Variants in C22orf31 observed in about 807,000 individuals in gnomAD.
C22orf31 encodes the protein uncharacterized protein C22orf31.
Under a neutral mutation model 15.0 loss-of-function variants are expected in C22orf31, and 11 were observed. That is an observed-to-expected ratio of 0.73 (90% confidence interval 0.46 to 1.21). The LOEUF is 1.21. Ranked by LOEUF, C22orf31 falls within the 50% of genes most tolerant of loss-of-function variation. The pLI is 0.00. For synonymous variants in C22orf31, 132 were observed against 133.3 expected, an observed-to-expected ratio of 0.99 and a Z score of 0.07; for missense variants, 340 against 347.2, an observed-to-expected ratio of 0.98 and a Z score of 0.17.
At position 29,059,048 on chromosome 22, in the gene C22orf31, A is replaced by G; in HGVS notation, c.567T>C (p.Leu189=). The change falls in exon 3 of 3, where the codon CTT becomes CTC. Residue 189 remains leucine, a synonymous_variant. Coordinates refer to ENST00000216071, the MANE Select transcript of C22orf31 (RefSeq NM_015370.2). ...ACTGCTGTCTCTTTTGGGTTTCAGGAAGCAACACTCGGCCCTTCCAGGCTG... is the reference window on the plus strand; with the variant it reads ...ACTGCTGTCTCTTTTGGGTTTCAGGGAGCAACACTCGGCCCTTCCAGGCTG... ...GTAAWKGRVL[L]PETQKRQQLS... is the part of the protein sequence containing the mutation. 1 of 1,614,200 alleles carries G rather than the reference A, an allele frequency of 6.2e-7. No homozygotes were observed. The highest frequency in any genetic ancestry group is 8.5e-7 in the Non-Finnish European group (1 of 1,180,034).
At chr22:29,061,277 T>C (rs528342926) in intron 1 of C22orf31, among the ~76,000 whole-genome samples, 4 of 152,242 alleles carry the variant, frequency 2.6e-5, no homozygotes, top group African/African-American at 9.6e-5. Flanking sequence ...TTTTTTTGTG[T>C]GTGGGGGGGA....
chr22:29,073,813 G>A, the C22orf31 span, among the ~76,000 whole-genome samples: 1 of 151,888 alleles, frequency 6.6e-6, no homozygotes, highest in Non-Finnish European at 1.5e-5. This position sits in a 1 kb window ranked among gnomAD's most constrained non-coding sequence, Gnocchi z 4.4. Flanking sequence ...CCCCTCCCGG[G>A]CCGGGACGAC....
chr22:29,061,028 T>C (rs377357026), intron 1 of C22orf31, among the ~76,000 whole-genome samples, 185 bp from the exon 2 acceptor site: 86 of 152,242 alleles, frequency 5.6e-4, no homozygotes, highest in Non-Finnish European at 7.2e-4. Context: ...AGGGAGGAGA[T>C]AGTCACTCCA....
At chr22:29,071,592 G>C in the C22orf31 span, among the ~76,000 whole-genome samples, 22,155 of 152,112 alleles carry the variant, frequency 0.15, 2,127 homozygotes, top group East Asian at 0.48. Flanking sequence ...TTGCAAGCCC[G>C]GGACCAGGGA....
At chr22:29,061,424 A>G (rs557161743) in intron 1 of C22orf31, among the ~76,000 whole-genome samples, 30 of 151,992 alleles carry the variant, frequency 2.0e-4, no homozygotes, top group African/African-American at 7.2e-4. Context: ...GCACCACCGC[A>G]CCCAGCTGAT....
At chr22:29,064,364 CT>C (rs1427537460), upstream of C22orf31, among the ~76,000 whole-genome samples, 7 of 152,214 alleles carry the variant, frequency 4.6e-5, no homozygotes, top group Non-Finnish European at 1.0e-4. Flanking sequence ...ATTCATACCC[CT>C]GAACCTTAAT....
intron 2 of C22orf31, 60 bp downstream of exon 2, chr22:29,060,355 G>T: frequency 2.1e-6 from 3 of 1,457,174 alleles, no homozygotes; most frequent in Non-Finnish European, 2.8e-6. Context: ...AGTGTTCTCT[G>T]GCTTTACCTT....
At chr22:29,071,731 C>T in the C22orf31 span, among the ~76,000 whole-genome samples, 1 of 152,160 alleles carries the variant, frequency 6.6e-6, no homozygotes. Flanking sequence ...CCACGACCGA[C>T]CCCGGGTGCG....
chr22:29,072,328 G>A, the C22orf31 span, among the ~76,000 whole-genome samples: 2 of 151,946 alleles, frequency 1.3e-5, no homozygotes, highest in Non-Finnish European at 2.9e-5. Flanking sequence ...GTCTCGCTGT[G>A]TTGCCCAGGT....
chr22:29,064,252 G>C (rs1448827793), upstream of C22orf31, among the ~76,000 whole-genome samples: 1 of 152,062 alleles, frequency 6.6e-6, no homozygotes, highest in Non-Finnish European at 1.5e-5. Context: ...TACCATACCC[G>C]GGCCCAGTTC....
the C22orf31 span, chr22:29,073,097 C>A: frequency 2.5e-5 from 19 of 775,358 alleles, no homozygotes; most frequent in Admixed American, 6.1e-5. This position sits in a 1 kb window ranked among gnomAD's most constrained non-coding sequence, Gnocchi z 4.4. Flanking sequence ...CCCTTTACCC[C>A]GGGCCGCGCC....
chr22:29,062,321 G>T (rs2037399245), upstream of C22orf31, among the ~76,000 whole-genome samples: 1 of 152,164 alleles, frequency 6.6e-6, no homozygotes, highest in Non-Finnish European at 1.5e-5. Context: ...CAGAACAGCT[G>T]CCAAGGTTAG....
chr22:29,065,623 C>A (rs1425130388), upstream of C22orf31, among the ~76,000 whole-genome samples: 1 of 152,158 alleles, frequency 6.6e-6, no homozygotes, highest in Non-Finnish European at 1.5e-5. Context: ...ATATTCTATG[C>A]TTTGTTAAAC....
chr22:29,064,749 C>T (rs79870558), upstream of C22orf31, among the ~76,000 whole-genome samples: 2,699 of 123,762 alleles, frequency 0.022, 116 homozygotes, highest in African/African-American at 0.079. Context: ...CTGTGTTGCT[C>T]AGCTTAGTCT....
chr22:29,071,809 A>T, the C22orf31 span, among the ~76,000 whole-genome samples: 2 of 152,212 alleles, frequency 1.3e-5, no homozygotes, highest in Non-Finnish European at 2.9e-5. Context: ...GCTGGGGCCG[A>T]AAGTTTAAGC....
At chr22:29,073,283 A>T in the C22orf31 span, 1 of 788,978 alleles carries the variant, frequency 1.3e-6, no homozygotes, top group East Asian at 4.6e-5. This position sits in a 1 kb window ranked among gnomAD's most constrained non-coding sequence, Gnocchi z 4.4. Context: ...TCGAGGGGCG[A>T]CAAGGGCCGG....
the C22orf31 span, among the ~76,000 whole-genome samples, chr22:29,070,865 A>G: frequency 1.2e-4 from 18 of 152,320 alleles, no homozygotes; most frequent in Non-Finnish European, 2.9e-5. Flanking sequence ...CAGGTTGACT[A>G]GAATGTAAGT....
upstream of C22orf31, among the ~76,000 whole-genome samples, chr22:29,066,500 A>G (rs770148092): frequency 4.0e-4 from 54 of 136,170 alleles, no homozygotes; most frequent in Admixed American, 1.3e-3. Flanking sequence ...GATGTCCCAC[A>G]CTTCCTCCTT....
At chr22:29,061,961 A>G, upstream of C22orf31, 1 of 568,074 alleles carries the variant, frequency 1.8e-6, no homozygotes, top group Non-Finnish European at 3.2e-6. Context: ...GTTTGTTTAG[A>G]TGTGGGCTCA....
Sources: gnomAD v4.1 joint callset for allele counts (sites outside exome capture counted in the v4.1 genomes callset) on GRCh38, gnomAD v4.1.1 for gene constraint, Gnocchi (gnomAD v3.1) non-coding constraint, MANE v1.5 for transcripts, NCBI Gene and HGNC (gene_info 2026-07-23, HGNC 2026-07-21) for gene names.